Variants in AR observed in about 807,000 individuals in gnomAD.
The protein encoded by AR is dihydrotestosterone receptor.
A neutral mutation model predicts 53.9 loss-of-function variants in AR; 8 were observed. The ratio of observed to expected loss-of-function variants is 0.15; its 90% CI spans 0.09 to 0.27. AR has a LOEUF of 0.27. AR is among the 10% of genes least tolerant of loss of function. The pLI is 1.00. For missense variants in AR, 639 were observed against 742.5 expected, an observed-to-expected ratio of 0.86 and a Z score of 1.62; for synonymous variants, 359 against 316.4, an observed-to-expected ratio of 1.13 and a Z score of -1.43.
intron 2 of AR, among the ~76,000 whole-genome samples, chrX:67,664,446 A>G (rs1230883077): frequency 8.9e-6 from 1 of 111,900 alleles, no homozygotes; most frequent in East Asian, 2.8e-4. Context: ...TGGTGAACAG[A>G]AAATGTTGCT....
intron 2 of AR, among the ~76,000 whole-genome samples, chrX:67,663,424 C>A (rs910756752): frequency 1.8e-5 from 2 of 112,082 alleles, no homozygotes; most frequent in Admixed American, 1.9e-4. Context: ...TTTTAAAATT[C>A]TTTTCTTTAA....
intron 1 of AR, among the ~76,000 whole-genome samples, chrX:67,599,351 T>G (rs755962704): frequency 8.9e-6 from 1 of 112,212 alleles, no homozygotes; most frequent in African/African-American, 3.2e-5. Context: ...GTGAGTTCAC[T>G]ACTAAAATCA....
chrX:67,584,090 G>A (rs1170438976), intron 1 of AR, among the ~76,000 whole-genome samples: 4 of 112,059 alleles, frequency 3.6e-5, no homozygotes, highest in African/African-American at 6.5e-5. Context: ...ATAGTTGCTG[G>A]ATGTTCATTA....
intron 1 of AR, among the ~76,000 whole-genome samples, chrX:67,589,977 G>A (rs750106136): frequency 5.3e-5 from 6 of 112,210 alleles, no homozygotes; most frequent in African/African-American, 1.9e-4. Context: ...CTGAAGACTT[G>A]AAGAAAGCTT....
At chrX:67,710,618 C>G (rs1357652564) in intron 3 of AR, among the ~76,000 whole-genome samples, 2 of 111,898 alleles carry the variant, frequency 1.8e-5, no homozygotes, top group Non-Finnish European at 3.8e-5. Context: ...CAGGCATGAA[C>G]CACCTTACCC....
intron 2 of AR, among the ~76,000 whole-genome samples, chrX:67,676,486 G>T (rs1312989242): frequency 8.9e-6 from 1 of 112,217 alleles, no homozygotes; most frequent in African/African-American, 3.2e-5. Context: ...GACAATTATT[G>T]TCTCCCAACA....
At chrX:67,718,943 A>G (rs938650807) in intron 5 of AR, among the ~76,000 whole-genome samples, 1 of 111,565 alleles carries the variant, frequency 9.0e-6, no homozygotes, top group Non-Finnish European at 1.9e-5. Flanking sequence ...GGCATTGTGA[A>G]TGGAGCTGGC....
chrX:67,722,024 T>G (rs1006063286), intron 6 of AR, 61 bp downstream of exon 6: 5 of 1,179,224 alleles, frequency 4.2e-6, no homozygotes, highest in Non-Finnish European at 5.7e-6. Context: ...AGAGGACCAC[T>G]TTTGCCATTA....
intron 4 of AR, among the ~76,000 whole-genome samples, chrX:67,714,115 T>A (rs1439882415): frequency 1.8e-5 from 2 of 111,738 alleles, no homozygotes; most frequent in African/African-American, 6.5e-5. Flanking sequence ...AAATGATAAC[T>A]GTTAATTTGG....
In AR at chrX:67,724,873, C is replaced by A; in HGVS notation, c.*1032C>A. 5.7e-6 allele frequency: 1 copy of A among 175,111 alleles called. No homozygotes were observed. Among genetic ancestry groups the A allele is most frequent in the Non-Finnish European group, 1.1e-5 (1 of 91,636 alleles). The allele number at this position is 175,111 out of a possible 1,213,427, so 14.4% of individuals were successfully genotyped here. A position where few individuals can be genotyped will look rare whatever the true frequency, so the allele number is the denominator to read the frequency against. ...GAGAAGAAGGAGAGCAGAGATTTAACCCTTTGTAAGGCCCCATTTGGATCC... is the reference window on the plus strand; with the variant it reads ...GAGAAGAAGGAGAGCAGAGATTTAAACCTTTGTAAGGCCCCATTTGGATCC... On this transcript the variant is annotated 3_prime_UTR_variant, in exon 8 of 8. Coordinates refer to ENST00000374690, the MANE Select transcript of AR (RefSeq NM_000044.6).
intron 1 of AR, among the ~76,000 whole-genome samples, chrX:67,587,883 C>T (rs887651888): frequency 7.2e-5 from 8 of 111,095 alleles, no homozygotes; most frequent in Non-Finnish European, 1.3e-4. Flanking sequence ...TCTCTCCTTT[C>T]CCCTTCCCCA....
At chrX:67,704,946 A>G (rs948401782) in intron 3 of AR, among the ~76,000 whole-genome samples, 3 of 112,040 alleles carry the variant, frequency 2.7e-5, no homozygotes, top group African/African-American at 9.7e-5. Flanking sequence ...GTCAAAGATC[A>G]GATGGTTGTA....
At position 67,704,878 on chromosome X, in the gene AR, C is replaced by G. The variant is rs772167277; in HGVS notation, c.1886-6524C>G. On this transcript the variant is annotated intron_variant, in intron 3 of 7. Transcript: ENST00000374690. ...TTTCTACATATGGCTAACCAGTTTT[C>G]ACAGCACCATTTGTTAAATAGGGAA... Among the ~76,000 whole-genome samples, 12 of 112,123 alleles carry G rather than the reference C, an allele frequency of 1.1e-4. No homozygotes were observed. In the East Asian group the frequency reaches 3.4e-3, roughly 31 times the overall value.
intron 1 of AR, among the ~76,000 whole-genome samples, chrX:67,623,006 A>T (rs916036518): frequency 5.4e-5 from 6 of 111,403 alleles, no homozygotes; most frequent in Non-Finnish European, 9.4e-5. Context: ...GAATGAAGGG[A>T]TGCATAGATG....
chrX:67,652,482 A>G (rs1228249432), intron 2 of AR, among the ~76,000 whole-genome samples: 1 of 112,381 alleles, frequency 8.9e-6, no homozygotes, highest in Non-Finnish European at 1.9e-5. Flanking sequence ...AAATCAAAAA[A>G]TCTGGTCAAA....
rs1048842837 is a variant in AR at position 67,729,576 on chromosome X, G to A, written c.*5735G>A. 1.2e-5 allele frequency: 2 copies of A among 172,772 alleles called. No individual in the cohort carries two copies. Among genetic ancestry groups the A allele is most frequent in the Admixed American group, 8.0e-5 (1 of 12,548 alleles). The allele number at this position is 172,772 out of a possible 1,213,427, so 14.2% of individuals were successfully genotyped here. On this transcript the variant is annotated 3_prime_UTR_variant, in exon 8 of 8. Coordinates refer to ENST00000374690, the MANE Select transcript of AR (RefSeq NM_000044.6). ...TCTGATTCCAATTCAGTATAGCAAG[G>A]TGCTAGGTTTTTTCCTTTCCCCACC... is the stretch of plus-strand genomic sequence containing the variant.
At chrX:67,607,746 T>C (rs1374532720) in intron 1 of AR, among the ~76,000 whole-genome samples, 2 of 112,411 alleles carry the variant, frequency 1.8e-5, no homozygotes, top group Non-Finnish European at 3.8e-5. Context: ...CTGTGACTTA[T>C]GTGCTCATTC....
chrX:67,709,866 A>T (rs1046254411), intron 3 of AR, among the ~76,000 whole-genome samples: 2 of 111,930 alleles, frequency 1.8e-5, no homozygotes, highest in African/African-American at 6.5e-5. Context: ...GCCCAAAATG[A>T]TAGGATAGAA....
intron 1 of AR, among the ~76,000 whole-genome samples, chrX:67,589,081 T>C (rs1301249433): frequency 8.9e-6 from 1 of 112,556 alleles, no homozygotes; most frequent in Non-Finnish European, 1.9e-5. Flanking sequence ...GCTTGTTAAC[T>C]ACAAATTAAG....
Sources: allele counts gnomAD v4.1 joint callset (sites outside exome capture counted in the v4.1 genomes callset), GRCh38; gene constraint gnomAD v4.1.1; transcripts MANE v1.5; gene names NCBI Gene and HGNC (gene_info 2026-07-23, HGNC 2026-07-21).